OIT3: variants seen among roughly 807,000 people sequenced by gnomAD.
OIT3 encodes oncoprotein induced transcript 3.
A neutral mutation model predicts 52.2 loss-of-function variants in OIT3; 41 were observed. The ratio of observed to expected loss-of-function variants is 0.79; its 90% CI spans 0.61 to 1.02. The LOEUF (loss-of-function observed/expected upper bound fraction) is 1.02. OIT3 is among the 50% of genes least tolerant of loss of function. The pLI is 0.00. For missense variants in OIT3, 634 were observed against 715.5 expected (o/e 0.89, Z 1.30); for synonymous variants, 244 against 276.9 (o/e 0.88, Z 1.18).
chr10:72,932,668 T>C lies in OIT3; in HGVS notation c.*144T>C. 1 of 683,898 alleles carries C rather than the reference T, an allele frequency of 1.5e-6. No homozygotes were observed. The highest frequency in any genetic ancestry group is 2.4e-6 in the Non-Finnish European group (1 of 418,176). The allele number at this position is 683,898 out of a possible 1,614,324, so 42.4% of individuals were successfully genotyped here. The stretch of plus-strand genomic sequence containing the variant: ...GACTCCCAGCACCAACTCACTCTGA[T>C]TCTGGTCCATTCAGTGGGCACAGGT... On this transcript the variant is annotated 3_prime_UTR_variant, in exon 9 of 9. Transcript: ENST00000334011.
chr10:72,895,841 T>C (rs912130661), intron 1 of OIT3, among the ~76,000 whole-genome samples: 3 of 152,170 alleles, frequency 2.0e-5, no homozygotes, highest in Admixed American at 6.5e-5. Flanking sequence ...TTTTGAAGCC[T>C]TCGCACTGAG....
intron 6 of OIT3, among the ~76,000 whole-genome samples, chr10:72,920,763 T>C (rs563592013): frequency 1.2e-3 from 182 of 152,342 alleles, no homozygotes; most frequent in African/African-American, 4.0e-3. Context: ...TAGTCTTGAG[T>C]TCTAATTCGA....
At chr10:72,901,106 CAA>C (rs1419257255) in intron 3 of OIT3, among the ~76,000 whole-genome samples, 1 of 151,630 alleles carries the variant, frequency 6.6e-6, no homozygotes, top group African/African-American at 2.4e-5. Flanking sequence ...GGTTATATAT[CAA>C]AGTGAAAATA....
rs1846227079 is a variant in OIT3 at position 72,932,530 on chromosome 10, A to G, written c.*6A>G. 6.3e-7 allele frequency: 1 copy of G among 1,590,520 alleles called. No homozygotes were observed. Among genetic ancestry groups the G allele is most frequent in the African/African-American group, 1.3e-5 (1 of 74,392 alleles). ...GCATCGACTGGGAGGACTAGTTCGT[A>G]GCCATACCTCGAGTCCCTGCATTGG... On this transcript the variant is annotated 3_prime_UTR_variant, in exon 9 of 9. Coordinates refer to ENST00000334011, the MANE Select transcript of OIT3 (RefSeq NM_152635.3).
At chr10:72,908,647 C>T (rs1214829709) in intron 4 of OIT3, among the ~76,000 whole-genome samples, 4 of 151,926 alleles carry the variant, frequency 2.6e-5, no homozygotes. Flanking sequence ...ATGTAATAAT[C>T]TTTGTATATT....
At chr10:72,911,951 T>C (rs995435398) in intron 5 of OIT3, 112 bp downstream of exon 5, 2 of 904,250 alleles carry the variant, frequency 2.2e-6, no homozygotes, top group African/African-American at 3.3e-5. Flanking sequence ...TTTAGAACAA[T>C]GGCTCTTCGA....
intron 6 of OIT3, among the ~76,000 whole-genome samples, chr10:72,922,709 C>A (rs954206365): frequency 1.5e-4 from 23 of 152,160 alleles, no homozygotes; most frequent in African/African-American, 4.8e-4. Flanking sequence ...GCTGCAGCCC[C>A]ATTCCAAACC....
In OIT3 at chr10:72,911,763, C is replaced by T; in HGVS notation, c.714C>T (p.Cys238=). 6.2e-7 allele frequency: 1 copy of T among 1,613,790 alleles called. No homozygotes were observed. Among genetic ancestry groups the T allele is most frequent in the East Asian group, 2.2e-5 (1 of 44,868 alleles). ...ACAATGGTGGCTGCAGCCACTCTTG[C>T]CTTGGATCTGAGAAAGGCTACCAGT... is the stretch of plus-strand genomic sequence containing the variant. ...HNNNGGCSHS[C]LGSEKGYQCE... is the part of the protein sequence containing the mutation. Residue 238 remains cysteine, a synonymous_variant, in exon 5 of 9, where the codon TGC becomes TGT. Transcript: ENST00000334011.
At chr10:72,906,537 G>A (rs1278461493) in intron 3 of OIT3, 59 bp from the exon 4 acceptor site, 2 of 1,602,376 alleles carry the variant, frequency 1.2e-6, no homozygotes, top group Admixed American at 1.7e-5. Context: ...CTGCCCGGGG[G>A]GTTGGGAAAA....
chr10:72,897,818 T>G (rs1845889854), intron 1 of OIT3, among the ~76,000 whole-genome samples: 1 of 152,236 alleles, frequency 6.6e-6, no homozygotes, highest in South Asian at 2.1e-4. Context: ...TGTAACAGAA[T>G]AGCTAATTCC....
intron 6 of OIT3, among the ~76,000 whole-genome samples, chr10:72,923,848 A>G (rs750663590): frequency 6.6e-6 from 1 of 152,106 alleles, no homozygotes; most frequent in Non-Finnish European, 1.5e-5. Context: ...TTGTCCAAAC[A>G]ACTGTCCAAA....
chr10:72,911,834 G>A lies in OIT3; in HGVS notation c.785G>A (p.Cys262Tyr), dbSNP rs1350366824. The A allele has an allele frequency of 6.2e-7, 1 of 1,613,064 alleles. No individual in the cohort carries two copies. The highest frequency in any genetic ancestry group is 8.5e-7 in the Non-Finnish European group (1 of 1,179,514). ...GTGCTGTCTGAGGATAACCACACTT[G>A]CCAAGGTAGTACATGGGGCAGGGGG... ...GLVLSEDNHT[C>Y]QVPVLCKSNA... Residue 262 changes from cysteine to tyrosine, a missense_variant, in exon 5 of 9, where the codon TGC becomes TAC. Transcript: ENST00000334011.
chr10:72,903,437 A>G (rs569608898), intron 3 of OIT3, among the ~76,000 whole-genome samples: 2 of 152,338 alleles, frequency 1.3e-5, no homozygotes, highest in East Asian at 3.9e-4. Context: ...CATGTTAGCC[A>G]GGCTGGTCTT....
At chr10:72,930,942 A>T (rs1305265973) in intron 8 of OIT3, among the ~76,000 whole-genome samples, 1 of 152,168 alleles carries the variant, frequency 6.6e-6, no homozygotes, top group Non-Finnish European at 1.5e-5. Context: ...TTGAAAAGCC[A>T]GTGTGGTGAT....
chr10:72,911,893 C>T, intron 5 of OIT3, 54 bp downstream of exon 5: 1 of 1,520,974 alleles, frequency 6.6e-7, no homozygotes, highest in South Asian at 1.3e-5. Context: ...TTCTTCCTCT[C>T]CCAAAGCTCT....
At chr10:72,908,112 G>A (rs1457859205) in intron 4 of OIT3, among the ~76,000 whole-genome samples, 2 of 151,980 alleles carry the variant, frequency 1.3e-5, no homozygotes, top group Non-Finnish European at 1.5e-5. Context: ...GCGTGGTGGC[G>A]GGCGCCTGTA....
At chr10:72,931,954 C>G (rs1846220386) in intron 8 of OIT3, among the ~76,000 whole-genome samples, 1 of 152,182 alleles carries the variant, frequency 6.6e-6, no homozygotes, top group South Asian at 2.1e-4. Flanking sequence ...AAGGTGCTTG[C>G]AGAAAACACT....
chr10:72,918,264 C>G (rs1394982598), intron 6 of OIT3: 2 of 799,706 alleles, frequency 2.5e-6, no homozygotes, highest in Non-Finnish European at 4.4e-6. Context: ...TATTTCAAAG[C>G]CCCCAAGAGA....
intron 1 of OIT3, among the ~76,000 whole-genome samples, chr10:72,897,494 A>G (rs534583540): frequency 1.3e-5 from 2 of 152,360 alleles, no homozygotes; most frequent in South Asian, 4.1e-4. Context: ...GGTATTTTCA[A>G]TAAGCTGGTA....
Sources: allele counts gnomAD v4.1 joint callset (sites outside exome capture counted in the v4.1 genomes callset), GRCh38; gene constraint gnomAD v4.1.1; transcripts MANE v1.5; gene names NCBI Gene and HGNC (gene_info 2026-07-23, HGNC 2026-07-21).